Variants in GPC6 observed in about 807,000 individuals in gnomAD.
The protein encoded by GPC6 is glypican-6.
Under a neutral mutation model 55.2 loss-of-function variants are expected in GPC6, and 14 were observed. That is an observed-to-expected ratio of 0.25 (90% CI 0.17 to 0.40). GPC6 has a LOEUF of 0.40. Ranked by LOEUF, GPC6 falls within the 10% of genes least tolerant of loss-of-function variation. The probability of loss-of-function intolerance (pLI) is 1.00; values close to 1 mark genes in which losing one functional copy is unlikely to be tolerated. For synonymous variants in GPC6, 278 were observed against 259.6 expected, an observed-to-expected ratio of 1.07 and a Z score of -0.68; for missense variants, 641 against 708.5, an observed-to-expected ratio of 0.90 and a Z score of 1.08.
At chr13:93,553,357 T>C (rs1875264806) in intron 2 of GPC6, among the ~76,000 whole-genome samples, 1 of 152,108 alleles carries the variant, frequency 6.6e-6, no homozygotes. Context: ...TCTGAAAGGA[T>C]ATAACCATGT....
intron 2 of GPC6, among the ~76,000 whole-genome samples, chr13:93,669,968 A>T (rs934226709): frequency 2.6e-5 from 4 of 152,154 alleles, no homozygotes; most frequent in Non-Finnish European, 5.9e-5. Flanking sequence ...AATTTCAAGG[A>T]GGAAGGGTTG....
At chr13:94,380,176 G>A (rs535867821) in intron 6 of GPC6, among the ~76,000 whole-genome samples, 1 of 152,146 alleles carries the variant, frequency 6.6e-6, no homozygotes, top group Non-Finnish European at 1.5e-5. Context: ...AAAATCAGAA[G>A]AAAGAGAATG....
chr13:93,634,966 T>C (rs576275465), intron 2 of GPC6, among the ~76,000 whole-genome samples: 4 of 152,272 alleles, frequency 2.6e-5, no homozygotes, highest in Admixed American at 2.6e-4. Flanking sequence ...TACATGAATA[T>C]AATGAAGCGT....
At chr13:93,790,007 T>C (rs1343766562) in intron 2 of GPC6, among the ~76,000 whole-genome samples, 1 of 152,132 alleles carries the variant, frequency 6.6e-6, no homozygotes, top group Non-Finnish European at 1.5e-5. Flanking sequence ...GTAAATCTGC[T>C]TTATAAAATC....
intron 1 of GPC6, among the ~76,000 whole-genome samples, chr13:93,514,469 A>T (rs1370445460): frequency 6.6e-6 from 1 of 152,216 alleles, no homozygotes; most frequent in East Asian, 1.9e-4. Flanking sequence ...ACATGGGGCC[A>T]GAAGCTCCTT....
At chr13:93,299,326 A>G (rs193132443) in intron 1 of GPC6, among the ~76,000 whole-genome samples, 43 of 152,268 alleles carry the variant, frequency 2.8e-4, no homozygotes, top group African/African-American at 9.9e-4. Context: ...TGGGCAGTGC[A>G]GAGCAATGTA....
chr13:94,175,217 CT>C (rs1016367461), intron 4 of GPC6, among the ~76,000 whole-genome samples: 1 of 152,136 alleles, frequency 6.6e-6, no homozygotes, highest in Non-Finnish European at 1.5e-5. Flanking sequence ...GACTGGCAAA[CT>C]TTTTCCATAA....
At chr13:94,060,863 A>C (rs914148818) in intron 4 of GPC6, among the ~76,000 whole-genome samples, 39 of 152,198 alleles carry the variant, frequency 2.6e-4, no homozygotes, top group African/African-American at 8.9e-4. Flanking sequence ...ATTATTAAGT[A>C]GCTCTCTTTT....
intron 6 of GPC6, among the ~76,000 whole-genome samples, chr13:94,315,074 T>C (rs1285414607): frequency 6.6e-6 from 1 of 152,214 alleles, no homozygotes; most frequent in African/African-American, 2.4e-5. Context: ...CATCAAAGGC[T>C]CTGACTTCAT....
At chr13:93,322,825 T>C (rs7984266) in intron 1 of GPC6, among the ~76,000 whole-genome samples, 66,505 of 151,738 alleles carry the variant, frequency 0.44, 16,320 homozygotes, top group East Asian at 0.76. Flanking sequence ...TTCTGGGGTA[T>C]ATGTGCAGAA....
intron 2 of GPC6, among the ~76,000 whole-genome samples, chr13:93,593,309 CATCCAGA>C (rs2139511415): frequency 6.6e-6 from 1 of 152,144 alleles, no homozygotes; most frequent in African/African-American, 2.4e-5. Context: ...TTAAAAAATG[CATCCAGA>C]ATCCAGAATA....
chr13:93,315,126 T>C (rs1879204889), intron 1 of GPC6, among the ~76,000 whole-genome samples: 2 of 150,896 alleles, frequency 1.3e-5, no homozygotes, highest in Non-Finnish European at 3.0e-5. Flanking sequence ...TATGTCCTTT[T>C]GAAAAACAAG....
At chr13:93,852,938 A>G (rs9524257) in intron 3 of GPC6, among the ~76,000 whole-genome samples, 50,957 of 151,402 alleles carry the variant, frequency 0.34, 8,773 homozygotes, top group African/African-American at 0.39. Flanking sequence ...TTAGTATTTA[A>G]TCAGTATTTT....
chr13:93,615,779 C>T (rs1032957374), intron 2 of GPC6, among the ~76,000 whole-genome samples: 1 of 152,096 alleles, frequency 6.6e-6, no homozygotes, highest in African/African-American at 2.4e-5. Flanking sequence ...CACTTTCTCT[C>T]TAAGCTTTTT....
intron 4 of GPC6, among the ~76,000 whole-genome samples, chr13:94,248,674 TGAGAGA>T (rs142240819): frequency 1.4e-5 from 2 of 146,646 alleles, no homozygotes; most frequent in Admixed American, 6.8e-5. Flanking sequence ...CATTTCAGGC[TGAGAGA>T]GAGAGAGAGA....
At chr13:93,435,671 TG>T (rs1877544481) in intron 1 of GPC6, among the ~76,000 whole-genome samples, 1 of 152,142 alleles carries the variant, frequency 6.6e-6, no homozygotes, top group Non-Finnish European at 1.5e-5. Context: ...CAATAAAATC[TG>T]GGGGCTTCTC....
chr13:93,557,808 T>C (rs1875562717), intron 2 of GPC6, among the ~76,000 whole-genome samples: 1 of 152,222 alleles, frequency 6.6e-6, no homozygotes, highest in Non-Finnish European at 1.5e-5. Flanking sequence ...GTTTTATATA[T>C]TTTTAAATTA....
At chr13:93,400,668 A>G (rs1466257185) in intron 1 of GPC6, among the ~76,000 whole-genome samples, 1 of 152,160 alleles carries the variant, frequency 6.6e-6, no homozygotes, top group East Asian at 1.9e-4. Flanking sequence ...CTGTGATAGG[A>G]TCATGCATTT....
chr13:94,314,049 T>C (rs1876393374), intron 6 of GPC6, among the ~76,000 whole-genome samples: 1 of 152,226 alleles, frequency 6.6e-6, no homozygotes, highest in Non-Finnish European at 1.5e-5. Flanking sequence ...TAAAACTAGC[T>C]GCTATGTACA....
Sources: gnomAD v4.1 joint callset for allele counts (sites outside exome capture counted in the v4.1 genomes callset) on GRCh38, gnomAD v4.1.1 for gene constraint, MANE v1.5 for transcripts, NCBI Gene and HGNC (gene_info 2026-07-23, HGNC 2026-07-21) for gene names.